CNTN4: variants seen among roughly 807,000 people sequenced by gnomAD.
CNTN4 encodes the protein contactin 4.
Under a neutral mutation model 122.5 loss-of-function variants are expected in CNTN4, and 77 were observed. The ratio of observed to expected loss-of-function variants is 0.63; its 90% CI spans 0.52 to 0.76. The LOEUF (loss-of-function observed/expected upper bound fraction) is 0.76, where lower values mean the gene tolerates loss of function less well. CNTN4 is among the 30% of genes least tolerant of loss of function. The pLI, the probability that CNTN4 is intolerant of heterozygous loss-of-function variation, is 0.00. For synonymous variants in CNTN4, 512 were observed against 447.0 expected (o/e 1.15, Z -1.83); for missense variants, 1,256 against 1,259.1 (o/e 1.00, Z 0.04).
In CNTN4 at chr3:2,184,029, C is replaced by T. The variant is rs760194232; in HGVS notation, c.-145+83390C>T. On this transcript the variant is annotated intron_variant, in intron 2 of 24. Coordinates refer to ENST00000418658, the MANE Select transcript of CNTN4 (RefSeq NM_175607.3). ...CTCTGTCACCCAGGCTAGAGTGCAG[C>T]GGCGTGATCATGGCTTACTGCAGCC... Among the ~76,000 whole-genome samples, 13 of 151,960 alleles carry T rather than the reference C, an allele frequency of 8.6e-5. No homozygotes were observed. The East Asian group carries it at 1.4e-3, about 16-fold the overall frequency.
Position 2,413,366 on chromosome 3 carries a change from C to G in CNTN4, c.-89+74133C>G, listed in dbSNP as rs116118715. Among the ~76,000 whole-genome samples the G allele has an allele frequency of 4.5e-3, 681 of 152,276 alleles. 2 individuals are homozygous for G. The highest frequency in any genetic ancestry group is 0.01 in the Middle Eastern group (3 of 294). On this transcript the variant is annotated intron_variant, in intron 3 of 24. Transcript: ENST00000418658. ...CTGCTGTGAATAACAAAAGAAAACT[C>G]AAATTTCTGTTCTTGAAGCATTAAG... is the stretch of plus-strand genomic sequence containing the variant.
chr3:2,898,187 T>TAA (rs796664228), intron 10 of CNTN4, among the ~76,000 whole-genome samples: 85 of 152,370 alleles, frequency 5.6e-4, no homozygotes, highest in African/African-American at 1.9e-3. Flanking sequence ...CGTGTTAAGA[T>TAA]AGACTGTCTC....
chr3:2,362,250 C>T (rs921075502), intron 3 of CNTN4: 1 of 183,296 alleles, frequency 5.5e-6, no homozygotes, highest in African/African-American at 2.4e-5. Context: ...TATCCCAGCT[C>T]TGGCAAGATG....
At chr3:2,653,583 T>C (rs996061486) in intron 4 of CNTN4, among the ~76,000 whole-genome samples, 1 of 152,238 alleles carries the variant, frequency 6.6e-6, no homozygotes, top group Non-Finnish European at 1.5e-5. Flanking sequence ...TTCACTGATG[T>C]AGATCTAGTC....
chr3:2,429,154 C>A (rs2047960927), intron 3 of CNTN4, among the ~76,000 whole-genome samples: 1 of 152,204 alleles, frequency 6.6e-6, no homozygotes, highest in South Asian at 2.1e-4. Context: ...GGCAAAGAGG[C>A]CCTCTGATTT....
chr3:2,791,954 G>A (rs1408130131), intron 6 of CNTN4, among the ~76,000 whole-genome samples: 1 of 152,042 alleles, frequency 6.6e-6, no homozygotes, highest in African/African-American at 2.4e-5. Flanking sequence ...CAGATAATCC[G>A]GGATGATCTC....
intron 4 of CNTN4, among the ~76,000 whole-genome samples, chr3:2,667,184 T>A (rs941336600): frequency 2.8e-4 from 42 of 152,206 alleles, no homozygotes; most frequent in African/African-American, 9.9e-4. Context: ...CCACAATGGT[T>A]GAACTAGTTT....
chr3:2,443,162 A>G (rs1288392309), intron 3 of CNTN4, among the ~76,000 whole-genome samples: 1 of 147,154 alleles, frequency 6.8e-6, no homozygotes, highest in Admixed American at 6.8e-5. Flanking sequence ...AAAAAAAAAA[A>G]AGAAGAAAAG....
chr3:2,209,145 G>A (rs546475805), intron 2 of CNTN4, among the ~76,000 whole-genome samples: 2 of 152,246 alleles, frequency 1.3e-5, no homozygotes, highest in East Asian at 3.9e-4. Context: ...TCGCCTAGCA[G>A]CTGAATACAA....
At chr3:2,326,675 C>G (rs116528324) in intron 2 of CNTN4, among the ~76,000 whole-genome samples, 1,745 of 152,248 alleles carry the variant, frequency 0.011, 18 homozygotes, top group East Asian at 0.049. Flanking sequence ...GGATGCCTTA[C>G]AAGGACAGAA....
intron 3 of CNTN4, among the ~76,000 whole-genome samples, chr3:2,507,381 G>A (rs1431453446): frequency 2.0e-5 from 3 of 151,990 alleles, no homozygotes; most frequent in Non-Finnish European, 4.4e-5. Flanking sequence ...AGAATCTTCT[G>A]AGGAAAAGGA....
At chr3:2,148,717 C>T (rs977241384) in intron 2 of CNTN4, among the ~76,000 whole-genome samples, 1 of 151,958 alleles carries the variant, frequency 6.6e-6, no homozygotes, top group African/African-American at 2.4e-5. Context: ...TTAAATGAGT[C>T]GGTGAATGTT....
intron 23 of CNTN4, among the ~76,000 whole-genome samples, chr3:3,044,275 G>A (rs891260350): frequency 1.3e-5 from 2 of 152,150 alleles, no homozygotes; most frequent in Non-Finnish European, 2.9e-5. Flanking sequence ...ATCTTGCAAC[G>A]TTTCCAGCTA....
intron 6 of CNTN4, among the ~76,000 whole-genome samples, chr3:2,774,652 A>G (rs1400012890): frequency 6.6e-6 from 1 of 152,156 alleles, no homozygotes; most frequent in Non-Finnish European, 1.5e-5. Context: ...ACCTAGCAGG[A>G]TGGGACAGCA....
intron 13 of CNTN4, among the ~76,000 whole-genome samples, chr3:2,962,781 C>T (rs1479477301): frequency 1.3e-5 from 2 of 152,170 alleles, no homozygotes; most frequent in Non-Finnish European, 2.9e-5. Flanking sequence ...ACTATGAAAA[C>T]GGGAAAATGG....
intron 2 of CNTN4, among the ~76,000 whole-genome samples, chr3:2,296,091 T>C (rs1385674328): frequency 6.6e-6 from 1 of 152,180 alleles, no homozygotes; most frequent in Non-Finnish European, 1.5e-5. Flanking sequence ...CCTTGTAGTA[T>C]AGTTTGAAGT....
intron 4 of CNTN4, among the ~76,000 whole-genome samples, chr3:2,697,700 G>A (rs775289077): frequency 4.6e-5 from 7 of 151,998 alleles, no homozygotes; most frequent in Non-Finnish European, 7.4e-5. Context: ...CAACCGATAC[G>A]ATGCATAGAG....
intron 4 of CNTN4, among the ~76,000 whole-genome samples, chr3:2,597,399 A>G (rs536669000): frequency 7.9e-5 from 12 of 152,338 alleles, no homozygotes; most frequent in East Asian, 7.7e-4. Flanking sequence ...GGAGCTTTCA[A>G]GGGCCTTTGG....
At chr3:2,351,647 T>C (rs1172416753) in intron 3 of CNTN4, among the ~76,000 whole-genome samples, 1 of 152,188 alleles carries the variant, frequency 6.6e-6, no homozygotes, top group East Asian at 1.9e-4. Context: ...AATTTAAAAC[T>C]TATGAATTCT....
Sources: allele counts gnomAD v4.1 joint callset (sites outside exome capture counted in the v4.1 genomes callset), GRCh38; gene constraint gnomAD v4.1.1; transcripts MANE v1.5; gene names NCBI Gene and HGNC (gene_info 2026-07-23, HGNC 2026-07-21).